The following CSMD1 variants were observed in gnomAD, a reference collection of about 807,000 sequenced individuals.
The protein encoded by CSMD1 is CUB and Sushi multiple domains 1.
Under a neutral mutation model 417.5 loss-of-function variants are expected in CSMD1, and 213 were observed. The ratio of observed to expected loss-of-function variants is 0.51; its 90% CI spans 0.46 to 0.57. CSMD1 has a LOEUF of 0.57. Among genes scored for constraint, CSMD1 ranks in the 20% least tolerant of loss-of-function variants. The pLI is 0.00. For synonymous variants in CSMD1, 2,862 were observed against 1,736.8 expected, an observed-to-expected ratio of 1.65 and a Z score of -16.11; for missense variants, 6,923 against 4,529.7, an observed-to-expected ratio of 1.53 and a Z score of -15.17.
At chr8:4,338,006 G>T (rs1800268995) in intron 3 of CSMD1, among the ~76,000 whole-genome samples, 1 of 152,022 alleles carries the variant, frequency 6.6e-6, no homozygotes, top group African/African-American at 2.4e-5. Context: ...CCAAATAGAG[G>T]TGTTCTGAGT....
intron 2 of CSMD1, among the ~76,000 whole-genome samples, chr8:4,425,337 T>G (rs1211476377): frequency 6.7e-6 from 1 of 150,134 alleles, no homozygotes; most frequent in Non-Finnish European, 1.5e-5. Context: ...TGATCTGATT[T>G]CAAATAGCTG....
chr8:3,890,011 T>G (rs888102769), intron 5 of CSMD1, among the ~76,000 whole-genome samples: 1 of 152,112 alleles, frequency 6.6e-6, no homozygotes, highest in South Asian at 2.1e-4. Context: ...GGGAGATCCC[T>G]TCTCAAAAAA....
chr8:3,976,552 A>T (rs1190407882), intron 5 of CSMD1, among the ~76,000 whole-genome samples: 1 of 152,220 alleles, frequency 6.6e-6, no homozygotes, highest in African/African-American at 2.4e-5. Context: ...TGTGAAACAG[A>T]GTGTCTTCTC....
intron 2 of CSMD1, among the ~76,000 whole-genome samples, chr8:4,445,760 G>A (rs1798749603): frequency 7.0e-6 from 1 of 143,432 alleles, no homozygotes; most frequent in Non-Finnish European, 1.6e-5. Flanking sequence ...ACGGTCCTGA[G>A]AATCTACACT....
At chr8:4,243,546 T>G (rs1294387354) in intron 3 of CSMD1, among the ~76,000 whole-genome samples, 34 of 152,176 alleles carry the variant, frequency 2.2e-4, no homozygotes, top group Admixed American at 2.2e-3. Context: ...ATGGGGAAAT[T>G]ACCCCTAAGC....
rs575703811 is a variant in CSMD1, at chr8:4,651,255, A to G, written c.86-13697T>C. On this transcript the variant is annotated intron_variant, in intron 1 of 69. Coordinates refer to ENST00000635120, the MANE Select transcript of CSMD1 (RefSeq NM_033225.6). Reference sequence around the variant, plus strand: ...GCAAACAGCAAGAGGACAGTTTTATAAATCATAAAAAGCATTTGTTTAATG... The same window carrying G: ...GCAAACAGCAAGAGGACAGTTTTATGAATCATAAAAAGCATTTGTTTAATG... Among the ~76,000 whole-genome samples the G allele has an allele frequency of 9.2e-5, 14 of 152,352 alleles. No homozygotes were observed. The South Asian group carries it at 2.7e-3, about 29-fold the overall frequency.
intron 8 of CSMD1, among the ~76,000 whole-genome samples, chr8:3,591,504 T>C (rs1234343364): frequency 6.6e-6 from 1 of 152,196 alleles, no homozygotes; most frequent in African/African-American, 2.4e-5. Context: ...GAAAAATAAT[T>C]TGAGGTGACT....
In CSMD1 at chr8:3,973,587, A is replaced by T. The variant is rs149920589; in HGVS notation, c.818+24316T>A. ...CATTCTAGAATTTTAAAAAAGAAGG[A>T]AAAAAGGGAAAGAGAAACAATTTCA... On this transcript the variant is annotated intron_variant, in intron 5 of 69. Coordinates refer to ENST00000635120, the MANE Select transcript of CSMD1 (RefSeq NM_033225.6). Among the ~76,000 whole-genome samples, 7 of 152,320 alleles carry T rather than the reference A, an allele frequency of 4.6e-5. No individual in the cohort carries two copies. The East Asian group carries it at 1.4e-3, about 29-fold the overall frequency.
chr8:3,684,102 TTATATATTATATAATA>T, intron 7 of CSMD1, among the ~76,000 whole-genome samples: 1 of 146,044 alleles, frequency 6.8e-6, no homozygotes, highest in East Asian at 1.9e-4. Context: ...TGTATAGATA[TTATATATTATATAATA>T]TATAATTTAT....
intron 37 of CSMD1, among the ~76,000 whole-genome samples, chr8:3,177,978 A>G (rs1821048725): frequency 2.0e-5 from 3 of 152,358 alleles, no homozygotes; most frequent in African/African-American, 7.2e-5. Flanking sequence ...CAGTTAAGTT[A>G]AATAACGTGA....
chr8:4,433,198 G>C (rs1156867095), intron 2 of CSMD1, among the ~76,000 whole-genome samples: 13 of 152,088 alleles, frequency 8.5e-5, no homozygotes, highest in African/African-American at 4.8e-5. Flanking sequence ...ATTTCGTTGT[G>C]TATTACAATA....
intron 5 of CSMD1, among the ~76,000 whole-genome samples, chr8:3,919,600 T>C (rs1050085538): frequency 5.3e-5 from 8 of 152,164 alleles, no homozygotes; most frequent in Admixed American, 3.3e-4. Context: ...TTGCTCAAGA[T>C]TGCTTTGGTT....
intron 1 of CSMD1, among the ~76,000 whole-genome samples, chr8:4,968,709 G>A (rs1403834525): frequency 6.6e-6 from 1 of 152,026 alleles, no homozygotes; most frequent in Non-Finnish European, 1.5e-5. Context: ...CTCTACCAGT[G>A]GCAGCAGATA....
intron 1 of CSMD1, among the ~76,000 whole-genome samples, chr8:4,844,658 T>C (rs1449289333): frequency 6.6e-6 from 1 of 152,206 alleles, no homozygotes; most frequent in Non-Finnish European, 1.5e-5. Context: ...TATAATTTTT[T>C]AGGATCAAAA....
intron 1 of CSMD1, among the ~76,000 whole-genome samples, chr8:4,897,982 C>A (rs1403373535): frequency 6.6e-6 from 1 of 152,018 alleles, no homozygotes. Flanking sequence ...TTATCCCGGG[C>A]TACTTTCTTT....
intron 3 of CSMD1, among the ~76,000 whole-genome samples, chr8:4,118,150 C>A (rs989083120): frequency 1.3e-5 from 2 of 152,012 alleles, no homozygotes; most frequent in Admixed American, 1.3e-4. Context: ...GGCAGACTCT[C>A]AGTGGGAGCA....
At chr8:3,357,939 T>C (rs1451097615) in intron 21 of CSMD1, among the ~76,000 whole-genome samples, 1 of 152,208 alleles carries the variant, frequency 6.6e-6, no homozygotes, top group Non-Finnish European at 1.5e-5. Flanking sequence ...TGTTTAATTT[T>C]TTAATAACGA....
intron 3 of CSMD1, among the ~76,000 whole-genome samples, chr8:4,312,318 C>T (rs1798659082): frequency 6.7e-6 from 1 of 150,170 alleles, no homozygotes; most frequent in South Asian, 2.1e-4. Flanking sequence ...CATGATCATA[C>T]CTACTTTTTT....
rs537906382 is a variant in CSMD1, at chr8:4,318,246, A to T, written c.415+101707T>A. Among the ~76,000 whole-genome samples the T allele has an allele frequency of 2.0e-5, 3 of 152,236 alleles. No homozygotes were observed. In the East Asian group the frequency reaches 5.8e-4, roughly 29 times the overall value. On this transcript the variant is annotated intron_variant, in intron 3 of 69. Transcript: ENST00000635120. ...GAACTTTTTTGTCACTGTAGAAAGA[A>T]ATGACACTTGGTAACATTTTTCCTT...
Sources: allele counts gnomAD v4.1 joint callset (sites outside exome capture counted in the v4.1 genomes callset), GRCh38; gene constraint gnomAD v4.1.1; transcripts MANE v1.5; gene names NCBI Gene and HGNC (gene_info 2026-07-23, HGNC 2026-07-21).